KCNMA1: variants seen among roughly 807,000 people sequenced by gnomAD.
The protein encoded by KCNMA1 is potassium calcium-activated channel subfamily M alpha 1.
KCNMA1 carries 29 observed loss-of-function variants against 140.0 expected under a neutral mutation model. The observed-to-expected ratio is 0.21, with a 90% CI of 0.15 to 0.28. The LOEUF is 0.28. Ranked by LOEUF, KCNMA1 falls within the 10% of genes least tolerant of loss-of-function variation. The probability of loss-of-function intolerance (pLI) is 1.00; values close to 1 mark genes in which losing one functional copy is unlikely to be tolerated. For missense variants in KCNMA1, 880 were observed against 1,602.2 expected, an observed-to-expected ratio of 0.55 and a Z score of 7.70; for synonymous variants, 612 against 611.9, an observed-to-expected ratio of 1.00 and a Z score of 0.00.
rs36034012 is a variant in KCNMA1 at position 77,295,787 on chromosome 10, C to CAAAAAAAAAAAAAAAAAA, written c.541-44549_541-44532dup. ...TGGGCGACAGAGCGAGACTCCGTCT[C>CAAAAAAAAAAAAAAAAAA]AAAAAAAAAAAAAAAAAAAAAAAAA... On this transcript the variant is annotated intron_variant, in intron 2 of 27. Transcript: ENST00000286628. Among the ~76,000 whole-genome samples, 3 of 43,260 alleles carry CAAAAAAAAAAAAAAAAAA rather than the reference C, an allele frequency of 6.9e-5. 1 individual carries two copies. The highest frequency in any genetic ancestry group is 1.2e-4 in the Non-Finnish European group (3 of 24,744). The allele number at this position is 43,260 out of a possible 152,430, so 28.4% of individuals were successfully genotyped here.
intron 1 of KCNMA1, among the ~76,000 whole-genome samples, chr10:77,552,914 T>C (rs1567503307): frequency 6.6e-6 from 1 of 152,096 alleles, no homozygotes; most frequent in Non-Finnish European, 1.5e-5. Flanking sequence ...CCAGGCATGG[T>C]GGTGCACACC....
intron 27 of KCNMA1, among the ~76,000 whole-genome samples, chr10:76,888,554 A>ATCTT (rs2038383254): frequency 6.6e-6 from 1 of 152,122 alleles, no homozygotes; most frequent in Admixed American, 6.6e-5. Context: ...AAACTCACTG[A>ATCTT]TCTTGGTAAT....
intron 5 of KCNMA1, among the ~76,000 whole-genome samples, chr10:77,174,520 G>C (rs1018504273): frequency 1.3e-5 from 2 of 152,230 alleles, no homozygotes; most frequent in Non-Finnish European, 2.9e-5. Flanking sequence ...TGGGGCTCTT[G>C]AGTACCTGAA....
chr10:77,549,849 C>T (rs1041701246), intron 1 of KCNMA1, among the ~76,000 whole-genome samples: 2 of 152,192 alleles, frequency 1.3e-5, no homozygotes, highest in African/African-American at 4.8e-5. Flanking sequence ...GTACTAAATA[C>T]GTGAGAAATT....
chr10:77,617,804 C>G (rs548538890), intron 1 of KCNMA1, among the ~76,000 whole-genome samples: 27 of 152,328 alleles, frequency 1.8e-4, no homozygotes, highest in African/African-American at 6.3e-4. Flanking sequence ...CTAGCAAATA[C>G]CCAGTAAACA....
chr10:77,534,909 T>C (rs796413115), intron 1 of KCNMA1, among the ~76,000 whole-genome samples: 28 of 152,262 alleles, frequency 1.8e-4, no homozygotes, highest in African/African-American at 6.7e-4. Flanking sequence ...AACTAAAACC[T>C]ACACCCTGTA....
chr10:77,119,867 CAGAG>C (rs2097558213), intron 6 of KCNMA1, among the ~76,000 whole-genome samples: 1 of 151,994 alleles, frequency 6.6e-6, no homozygotes, highest in South Asian at 2.1e-4. Flanking sequence ...GATGAGCAGT[CAGAG>C]AGAGGAAACC....
chr10:77,108,245 A>T lies in KCNMA1; in HGVS notation c.1223+236T>A, dbSNP rs1252213175. On this transcript the variant is annotated intron_variant, in intron 9 of 27. Coordinates refer to ENST00000286628, the MANE Select transcript of KCNMA1 (RefSeq NM_001161352.2). The surrounding 1 kb of genome is among the most constrained non-coding windows in gnomAD (Gnocchi z 4.6). ...GATGGCACCTCCACAGGGACTCCTG[A>T]AAGTCACTCAACCACATCTTTTCTG... 1.4e-5 allele frequency: 20 copies of T among 1,410,408 alleles called. No homozygotes were observed. In the East Asian group the frequency reaches 5.0e-4, roughly 35 times the overall value. 87.4% of individuals were successfully genotyped at this position (1,410,408 alleles called of 1,614,324 possible).
intron 1 of KCNMA1, among the ~76,000 whole-genome samples, chr10:77,516,045 G>C (rs2050300077): frequency 6.6e-6 from 1 of 152,186 alleles, no homozygotes; most frequent in Admixed American, 6.5e-5. Flanking sequence ...AATGTTTTCT[G>C]AGCACTGGCC....
chr10:77,523,211 C>CG (rs901289758), intron 1 of KCNMA1, among the ~76,000 whole-genome samples: 3 of 150,244 alleles, frequency 2.0e-5, no homozygotes, highest in Admixed American at 6.6e-5. Flanking sequence ...GTGCCCCCCC[C>CG]CCTTGCAATC....
chr10:77,550,720 G>A (rs1419340709), intron 1 of KCNMA1, among the ~76,000 whole-genome samples: 1 of 152,232 alleles, frequency 6.6e-6, no homozygotes, highest in Non-Finnish European at 1.5e-5. Flanking sequence ...TTCAGAAGTG[G>A]AGCATTTTCA....
chr10:77,373,019 T>G (rs1056561424), intron 2 of KCNMA1: 8 of 152,234 alleles, frequency 5.3e-5, no homozygotes, highest in Non-Finnish European at 1.2e-4. Flanking sequence ...CACATTAATG[T>G]GTAGGATTTT....
intron 3 of KCNMA1, chr10:77,217,465 G>T: frequency 2.2e-6 from 1 of 456,482 alleles, no homozygotes; most frequent in Non-Finnish European, 4.4e-6. Flanking sequence ...TGTATTAAAG[G>T]AATAGGAATT....
At chr10:77,423,539 T>C (rs990724319) in intron 1 of KCNMA1, among the ~76,000 whole-genome samples, 2 of 152,160 alleles carry the variant, frequency 1.3e-5, no homozygotes, top group Non-Finnish European at 2.9e-5. Context: ...AAAGAGAATG[T>C]GGACACAGCT....
intron 2 of KCNMA1, among the ~76,000 whole-genome samples, chr10:77,256,683 C>T (rs988765058): frequency 6.6e-6 from 1 of 152,138 alleles, no homozygotes; most frequent in Non-Finnish European, 1.5e-5. Flanking sequence ...CACAGCAGAA[C>T]AAATGACCCT....
intron 1 of KCNMA1, chr10:77,634,780 AAC>A (rs57378692): frequency 0.39 from 60,022 of 153,588 alleles, 12,433 homozygotes; most frequent in African/African-American, 0.49. Flanking sequence ...AAAAAAGACA[AAC>A]ACACACACAC....
intron 5 of KCNMA1, among the ~76,000 whole-genome samples, chr10:77,131,616 T>A (rs1472394123): frequency 6.6e-6 from 1 of 151,890 alleles, no homozygotes; most frequent in Non-Finnish European, 1.5e-5. Context: ...CAGGCAATAA[T>A]GACTGTTTCT....
At chr10:77,526,002 G>C (rs1406255855) in intron 1 of KCNMA1, among the ~76,000 whole-genome samples, 1 of 152,184 alleles carries the variant, frequency 6.6e-6, no homozygotes, top group African/African-American at 2.4e-5. Context: ...GGGCTTTGGA[G>C]AAAGATTTTC....
chr10:77,284,812 C>T (rs140965972), intron 2 of KCNMA1, among the ~76,000 whole-genome samples: 40 of 152,270 alleles, frequency 2.6e-4, no homozygotes, highest in African/African-American at 8.4e-4. Flanking sequence ...CCGCGCCCAA[C>T]GAGACTCTGT....
Sources: allele counts gnomAD v4.1 joint callset (sites outside exome capture counted in the v4.1 genomes callset), GRCh38; gene constraint gnomAD v4.1.1; non-coding constraint Gnocchi (gnomAD v3.1); transcripts MANE v1.5; gene names NCBI Gene and HGNC (gene_info 2026-07-23, HGNC 2026-07-21).